The following SNTG1 variants were observed in gnomAD, a reference collection of about 807,000 sequenced individuals.
SNTG1 encodes gamma-1-syntrophin.
Under a neutral mutation model 74.7 loss-of-function variants are expected in SNTG1, and 39 were observed. That is an observed-to-expected ratio of 0.52 (90% CI 0.40 to 0.68). The LOEUF is 0.68. Among genes scored for constraint, SNTG1 ranks in the 30% least tolerant of loss-of-function variants. The probability of loss-of-function intolerance (pLI) is 0.00; values close to 1 mark genes in which losing one functional copy is unlikely to be tolerated. For missense variants in SNTG1, 685 were observed against 609.5 expected (o/e 1.12, Z -1.30); for synonymous variants, 254 against 217.1 (o/e 1.17, Z -1.49).
At chr8:50,276,594 A>G (rs779163228) in intron 2 of SNTG1, among the ~76,000 whole-genome samples, 6 of 151,974 alleles carry the variant, frequency 3.9e-5, no homozygotes, top group Non-Finnish European at 8.8e-5. Flanking sequence ...ATTAAACCCT[A>G]AGCCTAAATC....
chr8:50,401,328 A>G (rs1361224739), intron 3 of SNTG1, among the ~76,000 whole-genome samples: 5 of 152,208 alleles, frequency 3.3e-5, no homozygotes, highest in African/African-American at 9.7e-5. Flanking sequence ...TAGGGAGAAT[A>G]TTTATATTAA....
intron 9 of SNTG1, among the ~76,000 whole-genome samples, chr8:50,505,182 A>C (rs2623204): frequency 1.3e-5 from 2 of 151,968 alleles, no homozygotes; most frequent in African/African-American, 4.8e-5. Context: ...CTATTTAAGA[A>C]TGAATAACAT....
chr8:50,556,500 A>G (rs2094456299), intron 12 of SNTG1, among the ~76,000 whole-genome samples: 1 of 152,214 alleles, frequency 6.6e-6, no homozygotes, highest in South Asian at 2.1e-4. Flanking sequence ...ATTGCTTCCA[A>G]TTAATAATTT....
chr8:50,696,004 A>T (rs1229076323), intron 15 of SNTG1, among the ~76,000 whole-genome samples: 4 of 151,922 alleles, frequency 2.6e-5, no homozygotes, highest in African/African-American at 4.8e-5. Context: ...TGCTAGATTG[A>T]ATAGTAGTTC....
At position 49,992,355 on chromosome 8, in the gene SNTG1, G is replaced by T. The variant is rs368880364; in HGVS notation, c.-103+80124G>T. On this transcript the variant is annotated intron_variant, in intron 1 of 18. Coordinates refer to ENST00000642720, the MANE Select transcript of SNTG1 (RefSeq NM_018967.5). ...CTCCATTTGTAGCAGGTCCACCACC[G>T]GGCACTAACTTGGCAATTTTGCATA... 2.0e-5 allele frequency among the ~76,000 whole-genome samples: 3 copies of T among 152,084 alleles called. No individual in the cohort carries two copies. In the South Asian group the frequency reaches 6.2e-4, roughly 31 times the overall value.
intron 1 of SNTG1, among the ~76,000 whole-genome samples, chr8:49,969,157 T>C (rs374139954): frequency 4.6e-5 from 7 of 152,254 alleles, no homozygotes; most frequent in South Asian, 4.1e-4. Context: ...ATCTTCTGCA[T>C]TGATTATTTT....
At chr8:50,663,875 C>G (rs1013100190) in intron 15 of SNTG1, among the ~76,000 whole-genome samples, 6 of 152,170 alleles carry the variant, frequency 3.9e-5, no homozygotes, top group African/African-American at 1.4e-4. Context: ...CCTATCCTGA[C>G]AGATAACTAT....
At chr8:50,575,120 G>A (rs749488821) in intron 12 of SNTG1, among the ~76,000 whole-genome samples, 2 of 152,132 alleles carry the variant, frequency 1.3e-5, no homozygotes, top group Non-Finnish European at 2.9e-5. Flanking sequence ...AATTATGTCA[G>A]ACCTAGTCTG....
At chr8:50,421,048 G>GC (rs1444297174) in intron 4 of SNTG1, among the ~76,000 whole-genome samples, 1 of 104,872 alleles carries the variant, frequency 9.5e-6, no homozygotes, top group African/African-American at 3.3e-5. Context: ...GCGGTGGGCG[G>GC]GGGAGGGGGG....
At chr8:50,030,220 T>C (rs1446564428) in intron 1 of SNTG1, among the ~76,000 whole-genome samples, 1 of 152,014 alleles carries the variant, frequency 6.6e-6, no homozygotes, top group Non-Finnish European at 1.5e-5. Context: ...TCTGATAGAG[T>C]TTTTTGAGCT....
At chr8:50,325,585 A>G (rs935419215) in intron 2 of SNTG1, among the ~76,000 whole-genome samples, 22 of 152,042 alleles carry the variant, frequency 1.4e-4, no homozygotes, top group Non-Finnish European at 2.7e-4. Context: ...AGCTTGCTAT[A>G]TTACTTATTA....
intron 1 of SNTG1, among the ~76,000 whole-genome samples, chr8:50,008,789 T>C (rs1478855080): frequency 1.3e-5 from 2 of 152,194 alleles, no homozygotes; most frequent in African/African-American, 4.8e-5. Flanking sequence ...GTAAATTAGA[T>C]TCCTCATAAG....
chr8:50,549,531 T>C lies in SNTG1; in HGVS notation c.681-3519T>C, dbSNP rs144527051. Among the ~76,000 whole-genome samples, 824 of 152,242 alleles carry C rather than the reference T, an allele frequency of 5.4e-3. 10 individuals are homozygous for C. The highest frequency in any genetic ancestry group is 0.018 in the African/African-American group (759 of 41,538). On this transcript the variant is annotated intron_variant, in intron 11 of 18. Coordinates refer to ENST00000642720, the MANE Select transcript of SNTG1 (RefSeq NM_018967.5). ...CCTTCACCCCACAGAGAGATATTTC[T>C]AAAATATAAACATGATCCTTTTCCT...
intron 2 of SNTG1, among the ~76,000 whole-genome samples, chr8:50,392,852 A>T (rs7835915): frequency 0.92 from 140,350 of 152,076 alleles, 65,356 homozygotes; most frequent in Non-Finnish European, 1. Context: ...AAAATTAAAT[A>T]CAGCATATGA....
At chr8:50,111,665 G>A (rs191182263) in intron 1 of SNTG1, among the ~76,000 whole-genome samples, 191 of 152,258 alleles carry the variant, frequency 1.3e-3, no homozygotes, top group Non-Finnish European at 2.2e-3. Flanking sequence ...TTATTAAAGA[G>A]AGAAAATGAT....
At chr8:50,716,876 G>A (rs1173750762) in intron 17 of SNTG1, among the ~76,000 whole-genome samples, 2 of 151,878 alleles carry the variant, frequency 1.3e-5, no homozygotes, top group Admixed American at 1.3e-4. Context: ...GGGACTACAG[G>A]GGCCCGCCAC....
chr8:50,498,881 A>G (rs1451310153), intron 8 of SNTG1, among the ~76,000 whole-genome samples: 1 of 151,780 alleles, frequency 6.6e-6, no homozygotes, highest in Non-Finnish European at 1.5e-5. Context: ...ACATTGTTGA[A>G]AAATTGTTGT....
At chr8:50,421,672 C>T (rs1218489650) in intron 4 of SNTG1, among the ~76,000 whole-genome samples, 1 of 152,100 alleles carries the variant, frequency 6.6e-6, no homozygotes, top group Non-Finnish European at 1.5e-5. Context: ...CTGTTTCAAA[C>T]TCCTCTGACA....
At chr8:50,661,461 T>A (rs1563710126) in intron 15 of SNTG1, among the ~76,000 whole-genome samples, 1 of 152,236 alleles carries the variant, frequency 6.6e-6, no homozygotes, top group Non-Finnish European at 1.5e-5. Context: ...TATATTTACA[T>A]TCTGACCAAA....
Sources: gnomAD v4.1 joint callset for allele counts (sites outside exome capture counted in the v4.1 genomes callset) on GRCh38, gnomAD v4.1.1 for gene constraint, MANE v1.5 for transcripts, NCBI Gene and HGNC (gene_info 2026-07-23, HGNC 2026-07-21) for gene names.